TAFA1: variants seen among roughly 807,000 people sequenced by gnomAD.
The protein encoded by TAFA1 is TAFA chemokine like family member 1, also known as chemokine-like protein TAFA-1.
TAFA1 carries 4 observed loss-of-function variants against 18.5 expected under a neutral mutation model. The observed-to-expected ratio is 0.22, with a 90% CI of 0.11 to 0.49. The LOEUF (loss-of-function observed/expected upper bound fraction) is 0.49, where lower values mean the gene tolerates loss of function less well. TAFA1 is among the 20% of genes least tolerant of loss of function. TAFA1 has a pLI of 0.98. For synonymous variants in TAFA1, 56 were observed against 55.2 expected (o/e 1.01, Z -0.06); for missense variants, 147 against 169.0 (o/e 0.87, Z 0.72).
chr3:68,444,326 C>G (rs565541321), intron 3 of TAFA1, among the ~76,000 whole-genome samples: 3 of 152,256 alleles, frequency 2.0e-5, no homozygotes, highest in Non-Finnish European at 4.4e-5. Context: ...TTATACCTAC[C>G]AGTGATCACA....
intron 2 of TAFA1, among the ~76,000 whole-genome samples, chr3:68,383,179 C>G (rs370689521): frequency 6.6e-6 from 1 of 151,818 alleles, no homozygotes; most frequent in Non-Finnish European, 1.5e-5. Context: ...CTCTTTATTT[C>G]TTTCTGTTGT....
chr3:68,133,336 T>C (rs1235132352), intron 2 of TAFA1, among the ~76,000 whole-genome samples: 2 of 152,196 alleles, frequency 1.3e-5, no homozygotes, highest in Non-Finnish European at 2.9e-5. Flanking sequence ...CTTACAATTA[T>C]CTTGGCTATA....
At chr3:68,413,247 T>C (rs1025084937) in intron 2 of TAFA1, among the ~76,000 whole-genome samples, 1 of 152,218 alleles carries the variant, frequency 6.6e-6, no homozygotes, top group Non-Finnish European at 1.5e-5. Flanking sequence ...CTTGTAAATT[T>C]GTTTGAGTTC....
In TAFA1 at chr3:68,253,894, G is replaced by A. The variant is rs367596948; in HGVS notation, c.119-163386G>A. On this transcript the variant is annotated intron_variant, in intron 2 of 4. Coordinates refer to ENST00000478136, the MANE Select transcript of TAFA1 (RefSeq NM_213609.4). ...TGCAGAATGAAGGTCATTATTGTGT[G>A]ACATTAGTTTCAGATTGAAGGTCAT... is the stretch of plus-strand genomic sequence containing the variant. Among the ~76,000 whole-genome samples the A allele has an allele frequency of 3.4e-4, 52 of 152,288 alleles. 1 individual carries two copies. Among genetic ancestry groups the A allele is most frequent in the African/African-American group, 1.2e-3 (49 of 41,568 alleles).
intron 2 of TAFA1, among the ~76,000 whole-genome samples, chr3:68,397,132 T>C (rs897043245): frequency 6.6e-6 from 1 of 152,106 alleles, no homozygotes; most frequent in African/African-American, 2.4e-5. Flanking sequence ...GGATCTTCCG[T>C]TTTCTTTCTT....
intron 2 of TAFA1, among the ~76,000 whole-genome samples, chr3:68,203,767 A>C (rs2066493959): frequency 6.6e-6 from 1 of 151,648 alleles, no homozygotes; most frequent in Non-Finnish European, 1.5e-5. Context: ...AACCCCATCA[A>C]GTTAGGCTCT....
intron 2 of TAFA1, among the ~76,000 whole-genome samples, chr3:68,139,889 T>C (rs140098310): frequency 2.6e-4 from 39 of 152,328 alleles, no homozygotes; most frequent in African/African-American, 8.9e-4. Context: ...GCTTACTAGC[T>C]GTATGTGATA....
chr3:68,351,041 T>C (rs1358565243), intron 2 of TAFA1, among the ~76,000 whole-genome samples: 1 of 152,118 alleles, frequency 6.6e-6, no homozygotes, highest in Non-Finnish European at 1.5e-5. Context: ...TTCCCACCTT[T>C]GGATGCTCAT....
At chr3:68,310,030 T>C (rs980798924) in intron 2 of TAFA1, among the ~76,000 whole-genome samples, 2 of 152,220 alleles carry the variant, frequency 1.3e-5, no homozygotes, top group Admixed American at 1.3e-4. Context: ...GATTAATTTA[T>C]CAATAATTAT....
intron 2 of TAFA1, among the ~76,000 whole-genome samples, chr3:68,254,998 G>A (rs1176249577): frequency 6.6e-6 from 1 of 152,124 alleles, no homozygotes; most frequent in Non-Finnish European, 1.5e-5. Context: ...AATGAATTTT[G>A]TAATGAATTA....
chr3:68,386,960 T>C (rs1166282173), intron 2 of TAFA1, among the ~76,000 whole-genome samples: 1 of 152,164 alleles, frequency 6.6e-6, no homozygotes, highest in East Asian at 1.9e-4. Flanking sequence ...TGGTTTGATA[T>C]GGAAATACAT....
chr3:68,394,855 A>C (rs2070341925), intron 2 of TAFA1, among the ~76,000 whole-genome samples: 1 of 152,166 alleles, frequency 6.6e-6, no homozygotes, highest in African/African-American at 2.4e-5. Context: ...TCTAGAAGAA[A>C]ACCTAGGCAA....
At chr3:68,531,812 A>T (rs753607224) in intron 3 of TAFA1, among the ~76,000 whole-genome samples, 7 of 152,216 alleles carry the variant, frequency 4.6e-5, no homozygotes, top group South Asian at 4.1e-4. Context: ...GTTGCCAGGC[A>T]TTCCTGGTGG....
At chr3:68,481,251 T>G (rs542149624) in intron 3 of TAFA1, among the ~76,000 whole-genome samples, 2 of 152,222 alleles carry the variant, frequency 1.3e-5, no homozygotes, top group African/African-American at 4.8e-5. Context: ...AACTCTTGAC[T>G]GTTATCTGAC....
At chr3:68,452,462 G>A (rs2071580311) in intron 3 of TAFA1, among the ~76,000 whole-genome samples, 1 of 146,070 alleles carries the variant, frequency 6.8e-6, no homozygotes, top group African/African-American at 2.6e-5. Flanking sequence ...GGAGGAGGTT[G>A]CAGTGAGCCG....
chr3:68,071,173 G>T (rs571531244), intron 2 of TAFA1, among the ~76,000 whole-genome samples: 1 of 152,358 alleles, frequency 6.6e-6, no homozygotes, highest in South Asian at 2.1e-4. Context: ...AGGGTTTAAT[G>T]AACTTACAGT....
chr3:68,479,083 TAACTG>T lies in TAFA1; in HGVS notation c.260-59672_260-59668del, dbSNP rs541276492. On this transcript the variant is annotated intron_variant, in intron 3 of 4. Coordinates refer to ENST00000478136, the MANE Select transcript of TAFA1 (RefSeq NM_213609.4). ...CCATCTCTACTAAAAATACAAAAATTAACTGGGCATGGTGACGCGCGCCTGTAGTC... is the reference window on the plus strand; with the variant it reads ...CCATCTCTACTAAAAATACAAAAATTGGCATGGTGACGCGCGCCTGTAGTC... Among the ~76,000 whole-genome samples the T allele has an allele frequency of 3.1e-3, 468 of 150,290 alleles. 4 individuals are homozygous for T. The highest frequency in any genetic ancestry group is 0.011 in the African/African-American group (439 of 41,044).
chr3:68,345,064 G>A (rs1474134350), intron 2 of TAFA1, among the ~76,000 whole-genome samples: 1 of 151,598 alleles, frequency 6.6e-6, no homozygotes, highest in Non-Finnish European at 1.5e-5. Context: ...GAAATCTAGT[G>A]CCTCATTCAT....
intron 2 of TAFA1, among the ~76,000 whole-genome samples, chr3:68,315,097 C>A (rs530539240): frequency 6.6e-6 from 1 of 152,092 alleles, no homozygotes; most frequent in East Asian, 1.9e-4. Flanking sequence ...GAAACAGAGG[C>A]CCCAACCATT....
Sources: allele counts gnomAD v4.1 joint callset (sites outside exome capture counted in the v4.1 genomes callset), GRCh38; gene constraint gnomAD v4.1.1; transcripts MANE v1.5; gene names NCBI Gene and HGNC (gene_info 2026-07-23, HGNC 2026-07-21).